The following PLEKHA6 variants were observed in gnomAD, a reference collection of about 807,000 sequenced individuals.
The protein encoded by PLEKHA6 is pleckstrin homology domain-containing family A member 6.
In PLEKHA6, 60 loss-of-function variants were observed where a neutral mutation model predicts 116.7. The observed-to-expected ratio is 0.51, with a 90% CI of 0.42 to 0.64. PLEKHA6 has a LOEUF of 0.64. PLEKHA6 is among the 30% of genes least tolerant of loss of function. PLEKHA6 has a pLI of 0.00. For missense variants in PLEKHA6, 1,338 were observed against 1,422.7 expected, an observed-to-expected ratio of 0.94 and a Z score of 0.96; for synonymous variants, 489 against 556.1, an observed-to-expected ratio of 0.88 and a Z score of 1.70.
intron 1 of PLEKHA6, among the ~76,000 whole-genome samples, chr1:204,276,637 GACAC>G (rs10567692): frequency 0.086 from 11,748 of 136,400 alleles, 548 homozygotes; most frequent in African/African-American, 0.14. Flanking sequence ...CACTGGCACA[GACAC>G]ACACACACAC....
At chr1:204,250,969 C>T (rs1227724225) in intron 9 of PLEKHA6, among the ~76,000 whole-genome samples, 1 of 152,216 alleles carries the variant, frequency 6.6e-6, no homozygotes. Flanking sequence ...TCAGTGAACT[C>T]CATGGCTGTC....
In PLEKHA6 at chr1:204,295,503, CA is replaced by C. The variant is rs1328467057; in HGVS notation, c.-94-20695del. On this transcript the variant is annotated intron_variant, in intron 1 of 22. Transcript: ENST00000272203. Reference sequence around the variant, plus strand: ...AGATGCCATCTCAAAAAAAAAAAAACAAACAACAAAAAAAAAATTCTAGTGC... The same window carrying C: ...AGATGCCATCTCAAAAAAAAAAAAACAACAACAAAAAAAAAATTCTAGTGC... Among the ~76,000 whole-genome samples the C allele has an allele frequency of 2.2e-5, 3 of 137,906 alleles. No homozygotes were observed. The Admixed American group carries it at 2.2e-4, about 10-fold the overall frequency. The allele number at this position is 137,906 out of a possible 152,430, so 90.5% of individuals were successfully genotyped here.
At chr1:204,361,942 C>T (rs1039033804), upstream of PLEKHA6, among the ~76,000 whole-genome samples, 25 of 152,340 alleles carry the variant, frequency 1.6e-4, no homozygotes, top group Middle Eastern at 3.4e-3. Flanking sequence ...AAAAGGCAGG[C>T]GACCAACAGA....
At chr1:204,239,116 C>T (rs1662460505) in intron 17 of PLEKHA6, among the ~76,000 whole-genome samples, 1 of 152,226 alleles carries the variant, frequency 6.6e-6, no homozygotes, top group South Asian at 2.1e-4. Flanking sequence ...AGGGTGACCT[C>T]AGCAGAGAAG....
intron 17 of PLEKHA6, among the ~76,000 whole-genome samples, chr1:204,232,326 G>C (rs765632253): frequency 6.6e-6 from 1 of 152,128 alleles, no homozygotes; most frequent in Non-Finnish European, 1.5e-5. Context: ...TATTTGGGAG[G>C]TTCTCAGCCT....
At chr1:204,245,792 C>T in intron 13 of PLEKHA6, 66 bp from the exon 14 acceptor site, 1 of 1,186,426 alleles carries the variant, frequency 8.4e-7, no homozygotes, top group Non-Finnish European at 1.2e-6. Flanking sequence ...TTCTCTCAGC[C>T]CAGACCCCTT....
chr1:204,311,727 T>A lies in PLEKHA6; in HGVS notation c.-94-36918A>T, dbSNP rs1158180186. On this transcript the variant is annotated intron_variant, in intron 1 of 22. Coordinates refer to ENST00000272203, the MANE Select transcript of PLEKHA6 (RefSeq NM_014935.5). The stretch of plus-strand genomic sequence containing the variant: ...ATTTATTGAATGAAATTGAATATAA[T>A]TCCTTTTCCTACTTCCCAACATGAA... 5 of 893,002 alleles carry A rather than the reference T, an allele frequency of 5.6e-6. No homozygotes were observed. In the African/African-American group the frequency reaches 9.0e-5, roughly 16 times the overall value. 55.3% of individuals were successfully genotyped at this position (893,002 alleles called of 1,614,324 possible). A position where few individuals can be genotyped will look rare whatever the true frequency, so the allele number is the denominator to read the frequency against.
At chr1:204,351,679 G>C (rs1673284959) in intron 1 of PLEKHA6, among the ~76,000 whole-genome samples, 1 of 152,144 alleles carries the variant, frequency 6.6e-6, no homozygotes, top group Non-Finnish European at 1.5e-5. Flanking sequence ...TTCGCAGATA[G>C]AGTGCCTGAG....
At chr1:204,325,605 C>T (rs1338000552) in intron 1 of PLEKHA6, among the ~76,000 whole-genome samples, 3 of 152,190 alleles carry the variant, frequency 2.0e-5, no homozygotes, top group African/African-American at 7.2e-5. Context: ...TTACTGTGGG[C>T]AAGTACCTGC....
At chr1:204,244,279 G>C (rs556005038) in intron 15 of PLEKHA6, among the ~76,000 whole-genome samples, 9 of 150,376 alleles carry the variant, frequency 6.0e-5, no homozygotes, top group Non-Finnish European at 1.2e-4. Context: ...CTACAGGCGC[G>C]CGCCACCACG....
chr1:204,233,187 C>CTTTTTTT (rs57991213), intron 17 of PLEKHA6, among the ~76,000 whole-genome samples: 1 of 129,786 alleles, frequency 7.7e-6, no homozygotes, highest in Non-Finnish European at 1.6e-5. Flanking sequence ...TTTTCTTTTT[C>CTTTTTTT]TTTTTTTTTT....
Position 204,261,568 on chromosome 1 carries a change from C to G in PLEKHA6, c.382-120G>C. On this transcript the variant is annotated intron_variant, in intron 6 of 22. Coordinates refer to ENST00000272203, the MANE Select transcript of PLEKHA6 (RefSeq NM_014935.5). The surrounding 1 kb of genome is among the most constrained non-coding windows in gnomAD (Gnocchi z 4.0). Reference sequence around the variant, plus strand: ...GCAGTCAGTTGGGCCATTCCCTGCACCTGGGGCTCTTCCCCATGCGGAGCT... The same window carrying G: ...GCAGTCAGTTGGGCCATTCCCTGCAGCTGGGGCTCTTCCCCATGCGGAGCT... The G allele has an allele frequency of 1.8e-6, 2 of 1,130,076 alleles. No individual in the cohort carries two copies. Among genetic ancestry groups the G allele is most frequent in the Non-Finnish European group, 2.5e-6 (2 of 799,030 alleles). 70.0% of individuals were successfully genotyped at this position (1,130,076 alleles called of 1,614,324 possible).
At chr1:204,272,766 G>T (rs1667602994) in intron 3 of PLEKHA6, among the ~76,000 whole-genome samples, 2 of 152,128 alleles carry the variant, frequency 1.3e-5, no homozygotes, top group Non-Finnish European at 2.9e-5. Flanking sequence ...TTACATAAGT[G>T]ATATCATATT....
At chr1:204,279,570 C>G (rs1009503623) in intron 1 of PLEKHA6, among the ~76,000 whole-genome samples, 2 of 152,098 alleles carry the variant, frequency 1.3e-5, no homozygotes, top group Non-Finnish European at 2.9e-5. Flanking sequence ...GAATACATAC[C>G]CAAATGGACC....
At chr1:204,334,860 T>G (rs748236559) in intron 1 of PLEKHA6, among the ~76,000 whole-genome samples, 1 of 152,252 alleles carries the variant, frequency 6.6e-6, no homozygotes. Context: ...ATTGCACTAC[T>G]GCACTCCAGC....
intron 1 of PLEKHA6, among the ~76,000 whole-genome samples, chr1:204,333,651 A>G (rs1558187308): frequency 6.6e-6 from 1 of 151,990 alleles, no homozygotes; most frequent in Non-Finnish European, 1.5e-5. Context: ...CAAATCTTTG[A>G]CTCTCCAGCT....
At chr1:204,369,610 C>T (rs1558205202) in intron 2 of PLEKHA6, 2 of 152,264 alleles carry the variant, frequency 1.3e-5, no homozygotes, top group East Asian at 1.9e-4. Flanking sequence ...TGGGCAACAC[C>T]AAGAGTGCTT....
chr1:204,239,955 C>T (rs938620873), intron 17 of PLEKHA6, among the ~76,000 whole-genome samples: 4 of 152,144 alleles, frequency 2.6e-5, no homozygotes, highest in South Asian at 2.1e-4. Context: ...TACGGGTCTT[C>T]GTTCCAGAGG....
intron 14 of PLEKHA6, among the ~76,000 whole-genome samples, chr1:204,245,368 T>C (rs1663497648): frequency 6.6e-6 from 1 of 152,154 alleles, no homozygotes; most frequent in Middle Eastern, 3.4e-3. Flanking sequence ...CTTTTGACCT[T>C]TTCTGGGGAG....
Sources: allele counts gnomAD v4.1 joint callset (sites outside exome capture counted in the v4.1 genomes callset), GRCh38; gene constraint gnomAD v4.1.1; non-coding constraint Gnocchi (gnomAD v3.1); transcripts MANE v1.5; gene names NCBI Gene and HGNC (gene_info 2026-07-23, HGNC 2026-07-21).